EGFR: variants seen among roughly 807,000 people sequenced by gnomAD.
The protein encoded by EGFR is avian erythroblastic leukemia viral (v-erb-b) oncogene homolog.
In EGFR, 58 loss-of-function variants were observed where a neutral mutation model predicts 143.0. The observed-to-expected ratio is 0.41, with a 90% CI of 0.33 to 0.50. The LOEUF is 0.50. EGFR is among the 20% of genes least tolerant of loss of function. The pLI, the probability that EGFR is intolerant of heterozygous loss-of-function variation, is 0.39. For synonymous variants in EGFR, 613 were observed against 594.4 expected, an observed-to-expected ratio of 1.03 and a Z score of -0.45; for missense variants, 1,307 against 1,579.0, an observed-to-expected ratio of 0.83 and a Z score of 2.92.
At chr7:55,144,631 C>G (rs1289329906) in intron 3 of EGFR, among the ~76,000 whole-genome samples, 1 of 152,174 alleles carries the variant, frequency 6.6e-6, no homozygotes, top group Non-Finnish European at 1.5e-5. Flanking sequence ...GTGTGGTTCC[C>G]CCACACCCCT....
At chr7:55,166,841 G>T (rs113737534) in intron 15 of EGFR, among the ~76,000 whole-genome samples, 1 of 81,916 alleles carries the variant, frequency 1.2e-5, no homozygotes, top group Non-Finnish European at 2.7e-5. Context: ...GGCAGTGTTG[G>T]TGGTGAGGAG....
At chr7:55,058,611 A>G (rs1315421680) in intron 1 of EGFR, among the ~76,000 whole-genome samples, 1 of 152,172 alleles carries the variant, frequency 6.6e-6, no homozygotes, top group Admixed American at 6.5e-5. Context: ...AAGAAAAGAA[A>G]ACAAAATACC....
At chr7:55,030,604 T>C (rs914575674) in intron 1 of EGFR, among the ~76,000 whole-genome samples, 2 of 152,204 alleles carry the variant, frequency 1.3e-5, no homozygotes, top group Non-Finnish European at 2.9e-5. Context: ...GATTTAGCAG[T>C]TGGGTCAGTT....
intron 1 of EGFR, among the ~76,000 whole-genome samples, chr7:55,104,820 C>T (rs1039989566): frequency 5.3e-5 from 8 of 152,152 alleles, no homozygotes; most frequent in Non-Finnish European, 1.0e-4. Flanking sequence ...TGTTTTACAA[C>T]GCAGTAGGAA....
At position 55,191,744 on chromosome 7, in the gene EGFR, G is replaced by C. The variant is rs772091823; in HGVS notation, c.2495G>C (p.Arg832Pro). 1 of 1,613,936 alleles carries C rather than the reference G, an allele frequency of 6.2e-7. No individual in the cohort carries two copies. Among genetic ancestry groups the C allele is most frequent in the Non-Finnish European group, 8.5e-7 (1 of 1,180,006 alleles). ...GGCATGAACTACTTGGAGGACCGTCGCTTGGTGCACCGCGACCTGGCAGCC... is the reference window on the plus strand; with the variant it reads ...GGCATGAACTACTTGGAGGACCGTCCCTTGGTGCACCGCGACCTGGCAGCC... The part of the protein sequence containing the change: ...AKGMNYLEDR[R>P]LVHRDLAARN... Residue 832 changes from arginine (R) to proline (P), a missense_variant, in exon 21 of 28, where the codon CGC becomes CCC. Transcript: ENST00000275493.
At chr7:55,132,322 C>A (rs936135475) in intron 1 of EGFR, among the ~76,000 whole-genome samples, 3 of 152,088 alleles carry the variant, frequency 2.0e-5, no homozygotes, top group African/African-American at 7.2e-5. Flanking sequence ...TCTTTTATTT[C>A]CTTGCAAATT....
chr7:55,019,144 C>A lies in EGFR; in HGVS notation c.-134C>A, dbSNP rs551488510. The A allele has an allele frequency of 1.5e-6, 1 of 673,416 alleles. No individual in the cohort carries two copies. 41.7% of individuals were successfully genotyped at this position (673,416 alleles called of 1,614,324 possible). On this transcript the variant is annotated 5_prime_UTR_variant, in exon 1 of 28. Transcript: ENST00000275493. ...CCCCGGCGGCCGCCGCCGCCCAGAC[C>A]GGACGACAGGCCACCTCGTCGGCGT...
At chr7:55,026,273 G>A (rs778043940) in intron 1 of EGFR, among the ~76,000 whole-genome samples, 13 of 152,166 alleles carry the variant, frequency 8.5e-5, no homozygotes, top group Admixed American at 5.2e-4. Context: ...AGAAACAGTT[G>A]CATATTTCAT....
intron 27 of EGFR, among the ~76,000 whole-genome samples, chr7:55,204,910 G>C (rs923139323): frequency 6.9e-6 from 1 of 144,612 alleles, no homozygotes; most frequent in Non-Finnish European, 1.5e-5. Context: ...CACACACACG[G>C]TGCACATACA....
chr7:55,142,178 G>T (rs1390806813), intron 1 of EGFR, 108 bp from the exon 2 acceptor site: 10 of 1,352,436 alleles, frequency 7.4e-6, no homozygotes, highest in African/African-American at 2.9e-5. Context: ...TCTGTGTGGA[G>T]AGAGTGAAGA....
At chr7:55,203,666 C>G (rs1447666512) in intron 27 of EGFR, among the ~76,000 whole-genome samples, 2 of 136,772 alleles carry the variant, frequency 1.5e-5, no homozygotes, top group Admixed American at 7.0e-5. Context: ...ACCACACACA[C>G]ACATACACAC....
At chr7:55,037,194 A>G (rs563239080) in intron 1 of EGFR, among the ~76,000 whole-genome samples, 9 of 152,222 alleles carry the variant, frequency 5.9e-5, no homozygotes, top group Non-Finnish European at 1.3e-4. Context: ...TCTTATCTGC[A>G]TGTTTCATCT....
chr7:55,086,298 T>C (rs1246517404), intron 1 of EGFR, among the ~76,000 whole-genome samples: 2 of 152,228 alleles, frequency 1.3e-5, no homozygotes, highest in Non-Finnish European at 2.9e-5. Flanking sequence ...CATTACAGGC[T>C]GTAAAAAAAT....
rs2128969775 is a variant in EGFR, at chr7:55,200,319, G to C, written c.2852G>C (p.Trp951Ser). 3 of 1,614,014 alleles carry C rather than the reference G, an allele frequency of 1.9e-6. No homozygotes were observed. The highest frequency in any genetic ancestry group is 1.7e-6 in the Non-Finnish European group (2 of 1,179,952). ...TTTTTTCTCATTCCTTCCCCAGGCT[G>C]GATGATAGACGCAGATAGTCGCCCA... The part of the protein sequence containing the change: ...IDVYMIMVKC[W>S]MIDADSRPKF... Residue 951 changes from tryptophan to serine, a missense_variant, in exon 24 of 28, where the codon TGG becomes TCG. Physicochemically the swap from Trp to Ser is radical, Grantham distance 177 (BLOSUM62 -3). Around this residue, in one of 7 missense-constraint regions of EGFR, gnomAD observed 348 missense variants for 451.5 expected, o/e 0.77. Coordinates refer to ENST00000275493, the MANE Select transcript of EGFR (RefSeq NM_005228.5).
intron 20 of EGFR, chr7:55,182,456 C>T (rs1244256063): frequency 1.3e-5 from 2 of 152,236 alleles, no homozygotes; most frequent in Non-Finnish European, 2.9e-5. Context: ...TCACCCAACT[C>T]CAGGCAGATG....
At position 55,211,006 on chromosome 7, in the gene EGFR, G is replaced by A. The variant is rs1019452013; in HGVS notation, c.*5389G>A. ...AGGATTCATGCTTTAAGAAACATTT[G>A]TTATACATTCCTCACAAATTATACC... is the stretch of plus-strand genomic sequence containing the variant. On this transcript the variant is annotated 3_prime_UTR_variant, in exon 28 of 28. Coordinates refer to ENST00000275493, the MANE Select transcript of EGFR (RefSeq NM_005228.5). 5 of 152,182 alleles carry A rather than the reference G, an allele frequency of 3.3e-5. No individual in the cohort carries two copies. Among genetic ancestry groups the A allele is most frequent in the Admixed American group, 2.6e-4 (4 of 15,284 alleles). 9.4% of individuals were successfully genotyped at this position (152,182 alleles called of 1,614,324 possible).
intron 1 of EGFR, among the ~76,000 whole-genome samples, chr7:55,032,836 T>C (rs1432651513): frequency 1.3e-5 from 2 of 152,290 alleles, no homozygotes; most frequent in East Asian, 3.9e-4. Flanking sequence ...GTTTCTTGAC[T>C]CAGAGAGGGA....
At chr7:55,090,690 G>A (rs1427385180) in intron 1 of EGFR, among the ~76,000 whole-genome samples, 1 of 152,080 alleles carries the variant, frequency 6.6e-6, no homozygotes, top group Non-Finnish European at 1.5e-5. Context: ...GCCAAAAAAT[G>A]GCCAGGCTTG....
At chr7:55,053,976 C>G (rs1788640472) in intron 1 of EGFR, among the ~76,000 whole-genome samples, 1 of 152,146 alleles carries the variant, frequency 6.6e-6, no homozygotes, top group African/African-American at 2.4e-5. Flanking sequence ...TTCATTTTCC[C>G]CAATTCGCAA....
Sources: gnomAD v4.1 joint callset for allele counts (sites outside exome capture counted in the v4.1 genomes callset) on GRCh38, gnomAD v4.1.1 for gene constraint, gnomAD v4.1.1 regional missense constraint, MANE v1.5 for transcripts, NCBI Gene and HGNC (gene_info 2026-07-23, HGNC 2026-07-21) for gene names.